HEMK2: variants seen among roughly 807,000 people sequenced by gnomAD.
The protein encoded by HEMK2 is HemK methyltransferase 2, ETF1 glutamine and histone H4 lysine.
chr21:28,870,526 C>T, the HEMK2 span, among the ~76,000 whole-genome samples: 1 of 152,090 alleles, frequency 6.6e-6, no homozygotes, highest in African/African-American at 2.4e-5. Context: ...CTCAACCTCC[C>T]GAGTAGATGG....
the HEMK2 span, among the ~76,000 whole-genome samples, chr21:28,838,899 A>G: frequency 7.3e-6 from 1 of 136,456 alleles, no homozygotes; most frequent in Non-Finnish European, 1.5e-5. Flanking sequence ...AAATCATGCC[A>G]TTGCACTCTA....
At chr21:28,852,033 A>G in the HEMK2 span, among the ~76,000 whole-genome samples, 2 of 152,202 alleles carry the variant, frequency 1.3e-5, no homozygotes, top group Non-Finnish European at 2.9e-5. Flanking sequence ...ATAATCCACT[A>G]TCATTGTCCA....
the HEMK2 span, among the ~76,000 whole-genome samples, chr21:28,691,648 G>A: frequency 6.6e-6 from 1 of 152,110 alleles, no homozygotes; most frequent in African/African-American, 2.4e-5. Context: ...CACAATCTAG[G>A]AGCTAGGATT....
At chr21:28,783,578 C>T in the HEMK2 span, among the ~76,000 whole-genome samples, 87 of 152,320 alleles carry the variant, frequency 5.7e-4, no homozygotes, top group Non-Finnish European at 9.1e-4. Flanking sequence ...CTTGTGGCAT[C>T]GTATTGAGAG....
the HEMK2 span, among the ~76,000 whole-genome samples, chr21:28,670,461 C>T: frequency 2.6e-5 from 4 of 152,266 alleles, no homozygotes; most frequent in South Asian, 8.3e-4. Flanking sequence ...TGTCTTGAGG[C>T]CATAAGGACA....
chr21:28,625,741 T>TA, the HEMK2 span, among the ~76,000 whole-genome samples: 12 of 151,772 alleles, frequency 7.9e-5, no homozygotes, highest in Admixed American at 5.3e-4. Flanking sequence ...ATTAAAAAAT[T>TA]AAAAAAACAG....
chr21:28,658,648 T>G, the HEMK2 span, among the ~76,000 whole-genome samples: 2 of 152,126 alleles, frequency 1.3e-5, no homozygotes, highest in Non-Finnish European at 2.9e-5. Context: ...GATTTTAATG[T>G]CATATTTACC....
chr21:28,873,112 G>A, the HEMK2 span: 5 of 152,118 alleles, frequency 3.3e-5, no homozygotes, highest in African/African-American at 1.2e-4. Flanking sequence ...CATCTAACAC[G>A]ATTAACAATC....
chr21:28,671,851 A>C, the HEMK2 span, among the ~76,000 whole-genome samples: 1 of 152,186 alleles, frequency 6.6e-6, no homozygotes, highest in Non-Finnish European at 1.5e-5. Context: ...TTAATGTCAC[A>C]CGTAAATTCT....
the HEMK2 span, among the ~76,000 whole-genome samples, chr21:28,633,000 T>C: frequency 6.6e-6 from 1 of 152,226 alleles, no homozygotes; most frequent in Non-Finnish European, 1.5e-5. Context: ...CCCATTCCTA[T>C]GGCTCCTAGC....
chr21:28,725,607 A>T, the HEMK2 span, among the ~76,000 whole-genome samples: 1 of 152,220 alleles, frequency 6.6e-6, no homozygotes, highest in Non-Finnish European at 1.5e-5. Flanking sequence ...GCCAACTCTC[A>T]GACTGAACTC....
At chr21:28,791,348 C>A in the HEMK2 span, among the ~76,000 whole-genome samples, 1 of 152,160 alleles carries the variant, frequency 6.6e-6, no homozygotes, top group Non-Finnish European at 1.5e-5. Flanking sequence ...GATAAAAATT[C>A]ACCCTGTGTT....
the HEMK2 span, among the ~76,000 whole-genome samples, chr21:28,855,581 G>T: frequency 2.7e-4 from 41 of 152,168 alleles, no homozygotes; most frequent in Non-Finnish European, 4.1e-4. Context: ...TTTGCACATG[G>T]CACATACTCT....
At chr21:28,709,085 T>C in the HEMK2 span, among the ~76,000 whole-genome samples, 1 of 152,148 alleles carries the variant, frequency 6.6e-6, no homozygotes, top group Non-Finnish European at 1.5e-5. Context: ...TGGGGAGTTC[T>C]TTGGGGTCCC....
chr21:28,601,283 T>C, the HEMK2 span, among the ~76,000 whole-genome samples: 1 of 152,148 alleles, frequency 6.6e-6, no homozygotes, highest in Non-Finnish European at 1.5e-5. Context: ...TGGCTTTCAA[T>C]GACCTGCATT....
At chr21:28,810,275 C>G in the HEMK2 span, among the ~76,000 whole-genome samples, 3 of 152,172 alleles carry the variant, frequency 2.0e-5, no homozygotes, top group Non-Finnish European at 4.4e-5. Flanking sequence ...AAACTGAAGC[C>G]ACTCTAGGTA....
At chr21:28,717,066 G>A in the HEMK2 span, among the ~76,000 whole-genome samples, 1 of 152,086 alleles carries the variant, frequency 6.6e-6, no homozygotes, top group Non-Finnish European at 1.5e-5. Flanking sequence ...CAGGAATATC[G>A]GCCTGTAGTT....
At chr21:28,832,454 G>C in the HEMK2 span, among the ~76,000 whole-genome samples, 229 of 152,302 alleles carry the variant, frequency 1.5e-3, 1 homozygote, top group Admixed American at 0.015. Context: ...AAGCAAAAAT[G>C]TTGAAATACT....
the HEMK2 span, among the ~76,000 whole-genome samples, chr21:28,767,055 G>A: frequency 5.3e-5 from 8 of 152,012 alleles, no homozygotes; most frequent in East Asian, 1.9e-4. Context: ...GAGTCATGGG[G>A]CCAGGTCTTT....
Sources: allele counts gnomAD v4.1 joint callset (sites outside exome capture counted in the v4.1 genomes callset), GRCh38; gene constraint gnomAD v4.1.1; transcripts MANE v1.5; gene names NCBI Gene and HGNC (gene_info 2026-07-23, HGNC 2026-07-21).